KDM3A: variants seen among roughly 807,000 people sequenced by gnomAD.
The protein encoded by KDM3A is lysine-specific demethylase 3A.
KDM3A carries 60 observed loss-of-function variants against 158.0 expected under a neutral mutation model. The observed-to-expected ratio is 0.38, with a 90% CI of 0.31 to 0.47. The LOEUF is 0.47. Among genes scored for constraint, KDM3A ranks in the 20% least tolerant of loss-of-function variants. The pLI is 0.99. For synonymous variants in KDM3A, 608 were observed against 549.3 expected, an observed-to-expected ratio of 1.11 and a Z score of -1.49; for missense variants, 1,319 against 1,574.3, an observed-to-expected ratio of 0.84 and a Z score of 2.74.
At position 86,482,919 on chromosome 2, in the gene KDM3A, A is replaced by T. The variant is rs560234181; in HGVS notation, c.2922+225A>T. On this transcript the variant is annotated intron_variant, in intron 18 of 25. Coordinates refer to ENST00000312912, the MANE Select transcript of KDM3A (RefSeq NM_018433.6). ...TCCAGTCAGGTTTTTGTTGCTTCCTACCAGTCCCTGTTGGGTTTTTGACGA... is the reference window on the plus strand; with the variant it reads ...TCCAGTCAGGTTTTTGTTGCTTCCTTCCAGTCCCTGTTGGGTTTTTGACGA... 1.6e-4 allele frequency: 85 copies of T among 525,320 alleles called. 2 individuals are homozygous for T. In the South Asian group the frequency reaches 1.9e-3, roughly 12 times the overall value. 32.5% of individuals were successfully genotyped at this position (525,320 alleles called of 1,614,324 possible).
intron 11 of KDM3A, among the ~76,000 whole-genome samples, chr2:86,471,340 T>G (rs1418590671): frequency 6.6e-6 from 1 of 150,944 alleles, no homozygotes; most frequent in Non-Finnish European, 1.5e-5. Context: ...TGTGTATATA[T>G]GTATATATGT....
chr2:86,447,434 C>T (rs1292413859), intron 2 of KDM3A, among the ~76,000 whole-genome samples: 3 of 142,104 alleles, frequency 2.1e-5, no homozygotes, highest in Non-Finnish European at 3.0e-5. Flanking sequence ...CACTTAAGAT[C>T]TTAATCCTTC....
At position 86,466,560 on chromosome 2, in the gene KDM3A, A is replaced by G; in HGVS notation, c.1196A>G (p.Gln399Arg). The G allele has an allele frequency of 6.2e-7, 1 of 1,614,016 alleles. No homozygotes were observed. The change falls in exon 10 of 26, where the codon CAG becomes CGG. Residue 399 changes from glutamine (Q) to arginine (R), a missense_variant. Coordinates refer to ENST00000312912, the MANE Select transcript of KDM3A (RefSeq NM_018433.6). ...ACTCAGCCTAAGACAAACACTGATC[A>G]GGAAAACAGATTGGAGTCTGTTCCA... ...SCTQPKTNTD[Q>R]ENRLESVPQA...
At position 86,478,690 on chromosome 2, in the gene KDM3A, A is replaced by G. The variant is rs148645702; in HGVS notation, c.2271A>G (p.Gln757=). ...CAAACTGCCCTTGTTCAAACAGGCA[A>G]TTCAAACTCTTTTCAAAGCCAGCCT... ...IKANCPCSNR[Q]FKLFSKPASK... Residue 757 remains glutamine (Q), a synonymous_variant, in exon 15 of 26, where the codon CAA becomes CAG. Coordinates refer to ENST00000312912, the MANE Select transcript of KDM3A (RefSeq NM_018433.6). The G allele has an allele frequency of 1.9e-4, 305 of 1,613,978 alleles. No homozygotes were observed. The highest frequency in any genetic ancestry group is 2.2e-4 in the Non-Finnish European group (262 of 1,179,942).
At chr2:86,460,982 A>G (rs1396546417) in intron 8 of KDM3A, among the ~76,000 whole-genome samples, 1 of 152,206 alleles carries the variant, frequency 6.6e-6, no homozygotes, top group African/African-American at 2.4e-5. Flanking sequence ...AAGGAAAAGC[A>G]CGCTAAGTTG....
chr2:86,450,416 A>G (rs1490608890), intron 3 of KDM3A, among the ~76,000 whole-genome samples: 1 of 152,222 alleles, frequency 6.6e-6, no homozygotes, highest in Non-Finnish European at 1.5e-5. Context: ...TGCTCTCTGT[A>G]GGGTTTCCAG....
At chr2:86,460,639 T>A (rs1573165557) in intron 8 of KDM3A, 2 of 152,308 alleles carry the variant, frequency 1.3e-5, no homozygotes, top group East Asian at 1.9e-4. Flanking sequence ...TTGAAGGTCT[T>A]CTCTGCCTAG....
chr2:86,477,624 G>A (rs1344562416), intron 12 of KDM3A, among the ~76,000 whole-genome samples: 1 of 152,052 alleles, frequency 6.6e-6, no homozygotes, highest in African/African-American at 2.4e-5. Flanking sequence ...CATTCTCCTA[G>A]AGGGAGGTGA....
intron 9 of KDM3A, 21 bp downstream of exon 9, chr2:86,464,237 G>C (rs751250448): frequency 2.7e-6 from 4 of 1,480,178 alleles, no homozygotes; most frequent in Middle Eastern, 3.6e-4. Flanking sequence ...ATTTGTTAAA[G>C]ATGTTTAATT....
intron 8 of KDM3A, among the ~76,000 whole-genome samples, chr2:86,459,699 G>A (rs945419360): frequency 6.6e-6 from 1 of 152,160 alleles, no homozygotes; most frequent in Admixed American, 6.6e-5. Context: ...CTTGTAAAAT[G>A]TGGGCATATA....
At chr2:86,456,770 T>A (rs1672718484) in intron 6 of KDM3A, 35 bp from the exon 7 acceptor site, 1 of 1,540,602 alleles carries the variant, frequency 6.5e-7, no homozygotes, top group East Asian at 2.3e-5. Context: ...GAGCATTTTT[T>A]ATTTTCCGGT....
intron 15 of KDM3A, chr2:86,479,943 G>A: frequency 1.8e-6 from 1 of 560,254 alleles, no homozygotes; most frequent in South Asian, 2.1e-5. Context: ...GGGTGCGGGG[G>A]GTAATACCTT....
chr2:86,446,869 TG>T (rs1472484348), intron 2 of KDM3A, among the ~76,000 whole-genome samples: 2 of 152,228 alleles, frequency 1.3e-5, no homozygotes, highest in African/African-American at 2.4e-5. Flanking sequence ...TGAAGTGCAG[TG>T]GCACAATCAT....
At position 86,451,067 on chromosome 2, in the gene KDM3A, G is replaced by A. The variant is rs757513396; in HGVS notation, c.343-36G>A. On this transcript the variant is annotated intron_variant, in intron 3 of 25. Coordinates refer to ENST00000312912, the MANE Select transcript of KDM3A (RefSeq NM_018433.6). ...TCCTATTTTCAGAATTATGCTGACA[G>A]CAGTTATGATGCTAAAGTGTTTTCT... 77 of 1,352,434 alleles carry A rather than the reference G, an allele frequency of 5.7e-5. No individual in the cohort carries two copies. The East Asian group carries it at 1.8e-3, about 31-fold the overall frequency. 83.8% of individuals were successfully genotyped at this position (1,352,434 alleles called of 1,614,324 possible).
chr2:86,451,082 A>G, intron 3 of KDM3A, 21 bp from the exon 4 acceptor site: 1 of 1,514,266 alleles, frequency 6.6e-7, no homozygotes, highest in Non-Finnish European at 9.0e-7. Flanking sequence ...TATGATGCTA[A>G]AGTGTTTTCT....
In KDM3A at chr2:86,451,091, C is replaced by T. The variant is rs1243363021; in HGVS notation, c.343-12C>T. On this transcript the variant is annotated splice_polypyrimidine_tract_variant and intron_variant, in intron 3 of 25. Coordinates refer to ENST00000312912, the MANE Select transcript of KDM3A (RefSeq NM_018433.6). The stretch of plus-strand genomic sequence containing the variant: ...AGCAGTTATGATGCTAAAGTGTTTT[C>T]TTTTGTTTTAGACGTACAAACCTCT... The T allele has an allele frequency of 2.5e-6, 4 of 1,571,332 alleles. No homozygotes were observed. Among genetic ancestry groups the T allele is most frequent in the Non-Finnish European group, 2.6e-6 (3 of 1,158,226 alleles).
At chr2:86,476,076 T>G (rs1299797716) in intron 12 of KDM3A, among the ~76,000 whole-genome samples, 2 of 152,200 alleles carry the variant, frequency 1.3e-5, no homozygotes, top group South Asian at 2.1e-4. Flanking sequence ...GTCAAGAGTC[T>G]TATTATACTT....
At chr2:86,475,641 C>G (rs1044617887) in intron 12 of KDM3A, among the ~76,000 whole-genome samples, 4 of 152,164 alleles carry the variant, frequency 2.6e-5, no homozygotes, top group African/African-American at 9.7e-5. Context: ...CAGCGTCTTC[C>G]TATCCATGTC....
Position 86,478,462 on chromosome 2 carries a change from C to T in KDM3A, c.2189-146C>T, listed in dbSNP as rs1444666835. The T allele has an allele frequency of 5.2e-5, 50 of 960,790 alleles. 1 individual carries two copies. The South Asian group carries it at 7.8e-4, about 15-fold the overall frequency. The allele number at this position is 960,790 out of a possible 1,614,324, so 59.5% of individuals were successfully genotyped here. A position where few individuals can be genotyped will look rare whatever the true frequency, so the allele number is the denominator to read the frequency against. Reference sequence around the variant, plus strand: ...TAGTTTTGTAGTAGAAAAGAAAATGCATTTTGGGGAAGGCCTCTGGAGCAG... The same window carrying T: ...TAGTTTTGTAGTAGAAAAGAAAATGTATTTTGGGGAAGGCCTCTGGAGCAG... On this transcript the variant is annotated intron_variant, in intron 14 of 25. Coordinates refer to ENST00000312912, the MANE Select transcript of KDM3A (RefSeq NM_018433.6).
Sources: gnomAD v4.1 joint callset for allele counts (sites outside exome capture counted in the v4.1 genomes callset) on GRCh38, gnomAD v4.1.1 for gene constraint, MANE v1.5 for transcripts, NCBI Gene and HGNC (gene_info 2026-07-23, HGNC 2026-07-21) for gene names.